Variants in AK5 observed in about 807,000 individuals in gnomAD.
The protein encoded by AK5 is adenylate kinase isoenzyme 5.
In AK5, 27 loss-of-function variants were observed where a neutral mutation model predicts 69.5. That is an observed-to-expected ratio of 0.39 (90% confidence interval 0.29 to 0.54). The LOEUF (loss-of-function observed/expected upper bound fraction) is 0.54, where lower values mean the gene tolerates loss of function less well. Among genes scored for constraint, AK5 ranks in the 20% least tolerant of loss-of-function variants. The probability of loss-of-function intolerance (pLI) is 0.71; values close to 1 mark genes in which losing one functional copy is unlikely to be tolerated. For synonymous variants in AK5, 260 were observed against 244.4 expected (o/e 1.06, Z -0.60); for missense variants, 531 against 700.4 (o/e 0.76, Z 2.73).
At chr1:77,368,231 A>G (rs888689527) in intron 6 of AK5, among the ~76,000 whole-genome samples, 1,951 of 28,044 alleles carry the variant, frequency 0.07, 152 homozygotes, top group African/African-American at 0.16. Context: ...ATATATATAT[A>G]TATATATATA....
At chr1:77,487,295 G>C (rs1375269751) in intron 10 of AK5, among the ~76,000 whole-genome samples, 1 of 152,178 alleles carries the variant, frequency 6.6e-6, no homozygotes, top group Non-Finnish European at 1.5e-5. Context: ...CCAAGATTAT[G>C]AAGCTAATGA....
chr1:77,310,140 A>G (rs1659863182), intron 5 of AK5, among the ~76,000 whole-genome samples: 1 of 152,148 alleles, frequency 6.6e-6, no homozygotes, highest in Non-Finnish European at 1.5e-5. Context: ...ACTTTATTGC[A>G]TGTTTTGAAT....
intron 8 of AK5, among the ~76,000 whole-genome samples, chr1:77,481,414 G>T (rs1039159806): frequency 2.6e-5 from 4 of 152,200 alleles, no homozygotes; most frequent in African/African-American, 9.6e-5. Context: ...TCACAGAAGA[G>T]AATTCATTAA....
chr1:77,315,904 C>G (rs1192440022), intron 5 of AK5, among the ~76,000 whole-genome samples: 1 of 151,438 alleles, frequency 6.6e-6, no homozygotes, highest in East Asian at 1.9e-4. Flanking sequence ...TCAAACATGT[C>G]TGATACCAAA....
chr1:77,498,979 C>G (rs1333154188), intron 10 of AK5, among the ~76,000 whole-genome samples: 5 of 152,270 alleles, frequency 3.3e-5, no homozygotes, highest in Non-Finnish European at 7.4e-5. Context: ...TCTCTGAAGC[C>G]CTGGGCTTAA....
At chr1:77,306,046 A>C (rs1467025265) in intron 5 of AK5, among the ~76,000 whole-genome samples, 1 of 151,464 alleles carries the variant, frequency 6.6e-6, no homozygotes, top group African/African-American at 2.4e-5. Flanking sequence ...CATTACAGAG[A>C]TTGTTTGGTT....
chr1:77,367,220 G>GT (rs947358067), intron 6 of AK5, among the ~76,000 whole-genome samples: 30 of 150,510 alleles, frequency 2.0e-4, no homozygotes, highest in South Asian at 1.9e-3. Flanking sequence ...CAGATTTGGG[G>GT]TTTTTTTTGG....
chr1:77,449,008 G>A (rs1461729930), intron 8 of AK5, among the ~76,000 whole-genome samples: 1 of 152,212 alleles, frequency 6.6e-6, no homozygotes, highest in Admixed American at 6.5e-5. Context: ...TGCTGCAGGG[G>A]CGGGCTCTCA....
At chr1:77,466,425 A>G (rs896554731) in intron 8 of AK5, among the ~76,000 whole-genome samples, 6 of 152,180 alleles carry the variant, frequency 3.9e-5, no homozygotes, top group African/African-American at 1.4e-4. Context: ...CTTCATGAGG[A>G]GAGGGACCAT....
chr1:77,282,394 C>G, intron 1 of AK5, 21 bp downstream of exon 1: 1 of 1,537,248 alleles, frequency 6.5e-7, no homozygotes, highest in Non-Finnish European at 8.8e-7. Context: ...AGCTGGCCGA[C>G]GGGCGGTAGC....
At chr1:77,472,498 T>C (rs1398202297) in intron 8 of AK5, among the ~76,000 whole-genome samples, 1 of 152,020 alleles carries the variant, frequency 6.6e-6, no homozygotes, top group Non-Finnish European at 1.5e-5. Flanking sequence ...CACAGACCCA[T>C]ACCCATAATG....
At chr1:77,444,301 GTA>G (rs372772325) in intron 8 of AK5, among the ~76,000 whole-genome samples, 4 of 44,912 alleles carry the variant, frequency 8.9e-5, no homozygotes, top group African/African-American at 4.2e-4. Context: ...TATATATATA[GTA>G]TATATACACA....
At chr1:77,417,166 C>T (rs547952573) in intron 7 of AK5, among the ~76,000 whole-genome samples, 1 of 152,250 alleles carries the variant, frequency 6.6e-6, no homozygotes, top group African/African-American at 2.4e-5. Flanking sequence ...CTTCCTGTTT[C>T]TGGAAACCCC....
chr1:77,286,722 C>T (rs1449195050), intron 1 of AK5, among the ~76,000 whole-genome samples: 2 of 151,998 alleles, frequency 1.3e-5, no homozygotes, highest in African/African-American at 4.8e-5. Context: ...TGGTGTGCAC[C>T]TGTAATCCCA....
intron 8 of AK5, among the ~76,000 whole-genome samples, chr1:77,471,204 T>C (rs889766493): frequency 1.3e-5 from 2 of 151,994 alleles, no homozygotes; most frequent in Admixed American, 6.6e-5. Context: ...TTTTTAAAGC[T>C]GGTGCCCAGG....
intron 12 of AK5, among the ~76,000 whole-genome samples, chr1:77,526,304 C>T (rs546956151): frequency 1.3e-3 from 202 of 152,140 alleles, no homozygotes; most frequent in Non-Finnish European, 2.4e-3. Context: ...ATGACACTAA[C>T]ATACAATTGT....
At chr1:77,313,849 G>C (rs768630773) in intron 5 of AK5, 1 of 532,978 alleles carries the variant, frequency 1.9e-6, no homozygotes, top group Non-Finnish European at 3.8e-6. Context: ...TCTCCCTTAC[G>C]CTGCTCCCTG....
At chr1:77,333,235 C>T (rs1021787204) in intron 5 of AK5, among the ~76,000 whole-genome samples, 8 of 152,148 alleles carry the variant, frequency 5.3e-5, no homozygotes, top group Non-Finnish European at 8.8e-5. Context: ...CACCTCATAA[C>T]CTCTGAGTCC....
At chr1:77,555,930 C>T (rs1317896748) in intron 13 of AK5, among the ~76,000 whole-genome samples, 2 of 152,224 alleles carry the variant, frequency 1.3e-5, no homozygotes, top group African/African-American at 4.8e-5. Flanking sequence ...AAGCAATAAG[C>T]AAGGTGCTGT....
Sources: gnomAD v4.1 joint callset for allele counts (sites outside exome capture counted in the v4.1 genomes callset) on GRCh38, gnomAD v4.1.1 for gene constraint, MANE v1.5 for transcripts, NCBI Gene and HGNC (gene_info 2026-07-23, HGNC 2026-07-21) for gene names.